IRF8: variants seen among roughly 807,000 people sequenced by gnomAD.
The protein encoded by IRF8 is interferon regulatory factor 8.
IRF8 carries 14 observed loss-of-function variants against 48.7 expected under a neutral mutation model. The ratio of observed to expected loss-of-function variants is 0.29; its 90% CI spans 0.19 to 0.45. The LOEUF (loss-of-function observed/expected upper bound fraction) is 0.45. Ranked by LOEUF, IRF8 falls within the 20% of genes least tolerant of loss-of-function variation. The pLI, the probability that IRF8 is intolerant of heterozygous loss-of-function variation, is 1.00. For missense variants in IRF8, 493 were observed against 580.7 expected (o/e 0.85, Z 1.55); for synonymous variants, 278 against 227.3 (o/e 1.22, Z -2.01).
intron 1 of IRF8, chr16:85,901,121 C>G (rs1904814314): frequency 6.6e-6 from 1 of 152,244 alleles, no homozygotes; most frequent in African/African-American, 2.4e-5. Flanking sequence ...GTGGGGGGGT[C>G]TTTGGTATTG....
intron 1 of IRF8, among the ~76,000 whole-genome samples, chr16:85,899,996 A>G (rs1904778473): frequency 6.6e-6 from 1 of 152,118 alleles, no homozygotes; most frequent in East Asian, 1.9e-4. Context: ...CTTTTTTTAA[A>G]CCAAAGGTAA....
Position 85,914,480 on chromosome 16 carries a change from G to T in IRF8, c.561G>T (p.Pro187=). Residue 187 remains proline, a synonymous_variant, in exon 6 of 9, where the codon CCG becomes CCT. Transcript: ENST00000268638. ...TTTCTGTTTCTCCTGCAGGCGTGCC[G>T]CTGGTGACGGGGTACACCACCTACG... The part of the protein sequence containing the change: ...WWAQQPSTGV[P]LVTGYTTYDA... 6.2e-7 allele frequency: 1 copy of T among 1,614,148 alleles called. No homozygotes were observed. Among genetic ancestry groups the T allele is most frequent in the South Asian group, 1.1e-5 (1 of 91,086 alleles).
At chr16:85,901,167 G>C (rs887590567) in intron 1 of IRF8, 18 of 152,234 alleles carry the variant, frequency 1.2e-4, no homozygotes, top group African/African-American at 4.1e-4. Flanking sequence ...CCTCTCCCAA[G>C]TCTGTCCCTT....
At chr16:85,907,586 G>A (rs1905041091) in intron 2 of IRF8, among the ~76,000 whole-genome samples, 1 of 152,202 alleles carries the variant, frequency 6.6e-6, no homozygotes, top group Non-Finnish European at 1.5e-5. Context: ...GCTGAGGTAG[G>A]AGGATTCGCT....
Position 85,911,628 on chromosome 16 carries a change from T to A in IRF8, c.417T>A (p.Gly139=), listed in dbSNP as rs369033423. Residue 139 remains glycine (G), a synonymous_variant, in exon 4 of 9, where the codon GGT becomes GGA. Transcript: ENST00000268638. ...CVNEVTEMEC[G]RSEIDELIKE... Reference sequence around the variant, plus strand: ...ATGAAGTTACAGAGATGGAGTGCGGTCGCTCTGAAATCGACGAGCTGATCA... The same window carrying A: ...ATGAAGTTACAGAGATGGAGTGCGGACGCTCTGAAATCGACGAGCTGATCA... The A allele has an allele frequency of 3.2e-5, 52 of 1,613,986 alleles. No individual in the cohort carries two copies. The highest frequency in any genetic ancestry group is 3.3e-4 in the Middle Eastern group (2 of 6,082).
At chr16:85,911,777 A>C (rs1905151630) in intron 4 of IRF8, 119 bp downstream of exon 4, 2 of 789,316 alleles carry the variant, frequency 2.5e-6, no homozygotes, top group South Asian at 2.9e-5. Context: ...CTCGCTGAGG[A>C]AGTGGCATCT....
At chr16:85,920,364 A>G (rs1183548360) in intron 8 of IRF8, 140 bp downstream of exon 8, 1 of 644,796 alleles carries the variant, frequency 1.6e-6, no homozygotes, top group Admixed American at 2.8e-5. Flanking sequence ...CTCCTGCCTC[A>G]GCCTCCCGAG....
chr16:85,921,307 C>G lies in IRF8; in HGVS notation c.*25C>G, dbSNP rs549569286. ...AGTGCGTCGCTTGGGCGCCCCACCC[C>G]GTCTGCGTCCTGCATCCATCTCCCT... is the stretch of plus-strand genomic sequence containing the variant. On this transcript the variant is annotated 3_prime_UTR_variant, in exon 9 of 9. Transcript: ENST00000268638. The G allele has an allele frequency of 1.0e-4, 167 of 1,609,098 alleles. No individual in the cohort carries two copies. The South Asian group carries it at 1.8e-3, about 17-fold the overall frequency.
intron 6 of IRF8, 90 bp downstream of exon 6, chr16:85,914,610 G>A (rs1905244221): frequency 2.1e-6 from 3 of 1,435,684 alleles, no homozygotes; most frequent in Non-Finnish European, 1.9e-6. Context: ...TTTCGAGGAT[G>A]AGCAGGACCT....
Position 85,918,687 on chromosome 16 carries a change from G to C in IRF8, c.872G>C (p.Arg291Pro). ...HSSRQGVFVK[R>P]LCQGRVFCSG... ...AGCCGGCAGGGCGTGTTCGTCAAGC[G>C]GCTGTGCCAGGGCCGCGTGTTCTGC... is the stretch of plus-strand genomic sequence containing the variant. The change falls in exon 7 of 9, where the codon CGG becomes CCG. Residue 291 changes from arginine to proline, a missense_variant. This residue lies in a region of IRF8 where 408 missense variants were observed against 449.6 expected (regional missense o/e 0.91). Transcript: ENST00000268638. The C allele has an allele frequency of 6.2e-7, 1 of 1,611,898 alleles. No individual in the cohort carries two copies. The highest frequency in any genetic ancestry group is 8.5e-7 in the Non-Finnish European group (1 of 1,179,928).
chr16:85,911,488 A>T (rs1905140215), intron 3 of IRF8, 82 bp from the exon 4 acceptor site: 1 of 1,174,584 alleles, frequency 8.5e-7, no homozygotes, highest in Non-Finnish European at 1.3e-6. Flanking sequence ...TAAACTCAGC[A>T]TTTACAGAGT....
intron 2 of IRF8, among the ~76,000 whole-genome samples, chr16:85,905,246 C>G (rs1470433724): frequency 1.3e-5 from 2 of 152,192 alleles, no homozygotes; most frequent in African/African-American, 4.8e-5. Context: ...ATCAGTAAAA[C>G]ATCTTTAAGA....
chr16:85,916,704 G>GCCCCTTATTTCCC (rs2143035846), intron 6 of IRF8, among the ~76,000 whole-genome samples: 1 of 152,344 alleles, frequency 6.6e-6, no homozygotes, highest in Non-Finnish European at 1.5e-5. Flanking sequence ...GGGTGACGGA[G>GCCCCTTATTTCCC]TTGCCTGAAG....
rs375352812 is a variant in IRF8, at chr16:85,920,139, G to A, written c.1019G>A (p.Arg340Gln). The change falls in exon 8 of 9, where the codon CGG (arginine) becomes CAG (glutamine). Residue 340 changes from arginine (R) to glutamine (Q), a missense_variant. Arg to Gln is a conservative substitution (Grantham distance 43). Transcript: ENST00000268638. The stretch of plus-strand genomic sequence containing the variant: ...CAGCAGTTCTATAACAGCCAGGGCC[G>A]GCTTCCTGACGGCAGGGTGGTGCTG... Reference protein sequence around the residue: ...ELQQFYNSQGRLPDGRVVLCF... With the variant: ...ELQQFYNSQGQLPDGRVVLCF... The A allele has an allele frequency of 4.3e-6, 7 of 1,614,122 alleles. No individual in the cohort carries two copies. Among genetic ancestry groups the A allele is most frequent in the Middle Eastern group, 1.7e-4 (1 of 6,058 alleles).
At chr16:85,899,584 A>G (rs1300002540) in intron 1 of IRF8, among the ~76,000 whole-genome samples, 3 of 152,032 alleles carry the variant, frequency 2.0e-5, no homozygotes, top group Admixed American at 6.6e-5. Context: ...CTGAAATTCT[A>G]CCACGTGGAA....
At chr16:85,908,897 G>A in intron 2 of IRF8, 93 bp from the exon 3 acceptor site, 3 of 1,079,110 alleles carry the variant, frequency 2.8e-6, no homozygotes, top group South Asian at 1.3e-5. Flanking sequence ...AGATTCATGG[G>A]AAGGGAAGGA....
chr16:85,920,955 G>T, intron 8 of IRF8, 151 bp from the exon 9 acceptor site: 1 of 792,600 alleles, frequency 1.3e-6, no homozygotes, highest in East Asian at 2.7e-5. Flanking sequence ...TTTGGCAGGA[G>T]TACTGCTTGC....
At chr16:85,904,613 C>T (rs770081362) in intron 2 of IRF8, among the ~76,000 whole-genome samples, 5 of 152,072 alleles carry the variant, frequency 3.3e-5, no homozygotes, top group Non-Finnish European at 7.4e-5. Flanking sequence ...CCATTACTGA[C>T]CACGCCAAGG....
chr16:85,908,599 C>G (rs1337625019), intron 2 of IRF8, among the ~76,000 whole-genome samples: 1 of 152,180 alleles, frequency 6.6e-6, no homozygotes, highest in Admixed American at 6.5e-5. Flanking sequence ...ACAACTTGTT[C>G]TTTGTTTTGA....
Sources: allele counts gnomAD v4.1 joint callset (sites outside exome capture counted in the v4.1 genomes callset), GRCh38; gene constraint gnomAD v4.1.1; regional missense constraint gnomAD v4.1.1; transcripts MANE v1.5; gene names NCBI Gene and HGNC (gene_info 2026-07-23, HGNC 2026-07-21).